The following SLC12A6 variants were observed in gnomAD, a reference collection of about 807,000 sequenced individuals.
SLC12A6 encodes solute carrier family 12 member 6.
A neutral mutation model predicts 135.3 loss-of-function variants in SLC12A6; 66 were observed. The ratio of observed to expected loss-of-function variants is 0.49; its 90% confidence interval spans 0.40 to 0.60. The LOEUF (loss-of-function observed/expected upper bound fraction) is 0.60. Among genes scored for constraint, SLC12A6 ranks in the 20% least tolerant of loss-of-function variants. The probability of loss-of-function intolerance (pLI) is 0.00; values close to 1 mark genes in which losing one functional copy is unlikely to be tolerated. For missense variants in SLC12A6, 1,058 were observed against 1,452.3 expected (o/e 0.73, Z 4.41); for synonymous variants, 513 against 508.8 (o/e 1.01, Z -0.11).
Position 34,255,252 on chromosome 15 carries a change from C to A in SLC12A6, c.876+10G>T. On this transcript the variant is annotated intron_variant, in intron 8 of 25. Coordinates refer to ENST00000354181, the MANE Select transcript of SLC12A6 (RefSeq NM_001365088.1). ...TCTATATTATAGACCACAATGAAGT[C>A]ATTACTTACCAGAAAGATTTCAATG... The A allele has an allele frequency of 1.9e-6, 3 of 1,586,876 alleles. No homozygotes were observed. Among genetic ancestry groups the A allele is most frequent in the South Asian group, 2.2e-5 (2 of 90,474 alleles).
chr15:34,263,280 A>ATGG (rs745644671), intron 3 of SLC12A6, among the ~76,000 whole-genome samples: 35 of 152,238 alleles, frequency 2.3e-4, no homozygotes, highest in Admixed American at 7.8e-4. Context: ...TTAGCAGGGC[A>ATGG]TGGTGGTGCA....
rs1162588635 is a variant in SLC12A6, at chr15:34,245,724, A to G, written c.1793T>C (p.Ile598Thr). 6 of 1,613,944 alleles carry G rather than the reference A, an allele frequency of 3.7e-6. No homozygotes were observed. The East Asian group carries it at 1.3e-4, about 36-fold the overall frequency. ...LTGAPRLLQA[I>T]AKDNIIPFLR... ...AAACGGTATGATGTTATCCTTGGCA[A>G]TAGCTTGTAGCAGCCTCGGTGCACC... Residue 598 changes from isoleucine (I) to threonine (T), a missense_variant, in exon 14 of 26, where the codon ATT becomes ACT. By Grantham distance (89) the Ile-to-Thr change is moderately conservative. Transcript: ENST00000354181.
intron 1 of SLC12A6, chr15:34,337,070 C>A (rs2141215964): frequency 3.0e-6 from 1 of 330,184 alleles, no homozygotes; most frequent in Non-Finnish European, 5.8e-6. Context: ...CCCCAGTTTC[C>A]TGTCGAGGTA....
intron 2 of SLC12A6, among the ~76,000 whole-genome samples, chr15:34,281,325 C>G (rs191110340): frequency 5.5e-4 from 83 of 152,160 alleles, no homozygotes; most frequent in African/African-American, 1.9e-3. Flanking sequence ...CTCTAACATT[C>G]ACATTTATTA....
intron 2 of SLC12A6, among the ~76,000 whole-genome samples, chr15:34,306,810 A>G (rs1896636788): frequency 1.3e-5 from 2 of 152,258 alleles, no homozygotes; most frequent in Admixed American, 6.5e-5. Context: ...AGTTCTGAAG[A>G]AAAAATTTAA....
chr15:34,315,148 G>C (rs1888547922), intron 2 of SLC12A6, among the ~76,000 whole-genome samples: 1 of 152,232 alleles, frequency 6.6e-6, no homozygotes, highest in Non-Finnish European at 1.5e-5. Flanking sequence ...AAACTAAGCA[G>C]CAAGGTTTGA....
intron 19 of SLC12A6, 128 bp from the exon 20 acceptor site, chr15:34,239,288 A>C: frequency 1.4e-6 from 1 of 740,136 alleles, no homozygotes; most frequent in South Asian, 1.5e-5. Context: ...TCTACAGAAA[A>C]GTCCAAAAAG....
chr15:34,316,828 TA>T (rs1888684383), intron 2 of SLC12A6, among the ~76,000 whole-genome samples: 1 of 151,812 alleles, frequency 6.6e-6, no homozygotes, highest in South Asian at 2.1e-4. Flanking sequence ...TAAAAAACAG[TA>T]GAGGTGGTGG....
chr15:34,263,528 C>T (rs904229173), intron 3 of SLC12A6, among the ~76,000 whole-genome samples: 7 of 151,438 alleles, frequency 4.6e-5, no homozygotes, highest in African/African-American at 1.7e-4. Flanking sequence ...GACAAAAATT[C>T]GGTGAAAGAG....
In SLC12A6 at chr15:34,252,150, C is replaced by A. The variant is rs2290941; in HGVS notation, c.1333+20G>T. 232,112 of 1,314,282 alleles carry A rather than the reference C, an allele frequency of 0.18. 21,063 individuals carry two copies. The highest frequency in any genetic ancestry group is 0.28 in the Middle Eastern group (1,535 of 5,476). 81.4% of individuals were successfully genotyped at this position (1,314,282 alleles called of 1,614,324 possible). ...CCCCAGAAAATAGGAAAAAACTTGT[C>A]CAATAACTCCCTAACTTACCTGTAA... On this transcript the variant is annotated intron_variant, in intron 10 of 25. Transcript: ENST00000354181.
At chr15:34,297,062 A>C (rs1895925555) in intron 2 of SLC12A6, among the ~76,000 whole-genome samples, 1 of 152,168 alleles carries the variant, frequency 6.6e-6, no homozygotes, top group Non-Finnish European at 1.5e-5. Context: ...CCTGCCATTA[A>C]CCCAGCTAAC....
chr15:34,267,919 A>C (rs182408228), intron 3 of SLC12A6, among the ~76,000 whole-genome samples: 1 of 151,602 alleles, frequency 6.6e-6, no homozygotes, highest in African/African-American at 2.4e-5. Flanking sequence ...TTTTATATCT[A>C]TATATATTTT....
At chr15:34,240,980 G>A in intron 18 of SLC12A6, 151 bp from the exon 19 acceptor site, 2 of 708,168 alleles carry the variant, frequency 2.8e-6, no homozygotes, top group Non-Finnish European at 5.0e-6. Context: ...CAGGATAAGG[G>A]CATTATTTTG....
intron 2 of SLC12A6, among the ~76,000 whole-genome samples, chr15:34,305,280 T>A (rs1896524479): frequency 6.6e-6 from 1 of 152,222 alleles, no homozygotes; most frequent in Non-Finnish European, 1.5e-5. Context: ...AATAATTTTA[T>A]GTTGTTTAAT....
intron 5 of SLC12A6, among the ~76,000 whole-genome samples, chr15:34,258,381 C>T (rs887009464): frequency 1.3e-5 from 2 of 152,198 alleles, no homozygotes; most frequent in African/African-American, 4.8e-5. Flanking sequence ...TCTTGAAAAG[C>T]TATTCCCTCT....
In SLC12A6 at chr15:34,324,229, C is replaced by T. The variant is rs1017516416; in HGVS notation, c.271+12181G>A. On this transcript the variant is annotated intron_variant, in intron 2 of 25. Coordinates refer to ENST00000354181, the MANE Select transcript of SLC12A6 (RefSeq NM_001365088.1). ...TAATCAACCTGCAGTACATGGCATA[C>T]GATGAATTATTATTCAACGATAAAC... 5.3e-5 allele frequency among the ~76,000 whole-genome samples: 8 copies of T among 151,884 alleles called. No individual in the cohort carries two copies. The East Asian group carries it at 7.7e-4, about 15-fold the overall frequency.
chr15:34,285,712 GTT>G (rs1566839598), intron 2 of SLC12A6, among the ~76,000 whole-genome samples: 17,314 of 66,712 alleles, frequency 0.26, 1,734 homozygotes, highest in African/African-American at 0.37. Context: ...GTGTGTGTGT[GTT>G]TGTCATACAT....
chr15:34,331,806 G>A (rs2141188240), intron 2 of SLC12A6, among the ~76,000 whole-genome samples: 1 of 152,226 alleles, frequency 6.6e-6, no homozygotes, highest in East Asian at 1.9e-4. Flanking sequence ...AGGTTTCAGA[G>A]AGGACATGAC....
At chr15:34,312,990 T>C (rs1000825453) in intron 2 of SLC12A6, among the ~76,000 whole-genome samples, 3 of 152,236 alleles carry the variant, frequency 2.0e-5, no homozygotes, top group Non-Finnish European at 4.4e-5. Context: ...GACCACTCCA[T>C]CAACCAGCTG....
Sources: gnomAD v4.1 joint callset for allele counts (sites outside exome capture counted in the v4.1 genomes callset) on GRCh38, gnomAD v4.1.1 for gene constraint, MANE v1.5 for transcripts, NCBI Gene and HGNC (gene_info 2026-07-23, HGNC 2026-07-21) for gene names.